NRG3: variants seen among roughly 807,000 people sequenced by gnomAD.
NRG3 encodes neuregulin 3.
In NRG3, 31 loss-of-function variants were observed where a neutral mutation model predicts 66.9. That is an observed-to-expected ratio of 0.46 (90% CI 0.35 to 0.63). The LOEUF (loss-of-function observed/expected upper bound fraction) is 0.63. NRG3 is among the 20% of genes least tolerant of loss of function. The probability of loss-of-function intolerance (pLI) is 0.00; values close to 1 mark genes in which losing one functional copy is unlikely to be tolerated. For synonymous variants in NRG3, 393 were observed against 359.4 expected (o/e 1.09, Z -1.06); for missense variants, 910 against 878.9 (o/e 1.04, Z -0.45).
chr10:82,931,433 C>G (rs945381942), intron 4 of NRG3, among the ~76,000 whole-genome samples: 1 of 152,132 alleles, frequency 6.6e-6, no homozygotes, highest in African/African-American at 2.4e-5. Flanking sequence ...GAGTATATAA[C>G]CTTGGGAAGC....
chr10:82,361,851 T>G (rs2135623620), intron 2 of NRG3, among the ~76,000 whole-genome samples: 3 of 152,120 alleles, frequency 2.0e-5, no homozygotes, highest in Admixed American at 2.0e-4. Context: ...CCTGGCTTAT[T>G]CAATAGTTTA....
chr10:82,359,513 CAT>C (rs2083988218), intron 2 of NRG3, among the ~76,000 whole-genome samples: 1 of 152,090 alleles, frequency 6.6e-6, no homozygotes, highest in African/African-American at 2.4e-5. Context: ...TTTTTAGAGA[CAT>C]AAGGTTATGT....
At chr10:82,874,354 G>C (rs973961918) in intron 4 of NRG3, among the ~76,000 whole-genome samples, 1 of 149,336 alleles carries the variant, frequency 6.7e-6, no homozygotes, top group Non-Finnish European at 1.5e-5. Context: ...TCATATTTCT[G>C]TTCTAGTTTG....
At chr10:82,109,153 G>A (rs2067230055) in intron 1 of NRG3, among the ~76,000 whole-genome samples, 1 of 152,126 alleles carries the variant, frequency 6.6e-6, no homozygotes, top group Non-Finnish European at 1.5e-5. Context: ...TTATGATGTG[G>A]TCAACTTATT....
intron 2 of NRG3, among the ~76,000 whole-genome samples, chr10:82,603,679 A>T (rs1053124699): frequency 6.6e-6 from 1 of 152,190 alleles, no homozygotes. Context: ...CTGAAAAAAA[A>T]AGTCTCAGGT....
intron 2 of NRG3, among the ~76,000 whole-genome samples, chr10:82,439,455 A>G (rs1034444054): frequency 1.3e-5 from 2 of 151,998 alleles, no homozygotes; most frequent in Non-Finnish European, 2.9e-5. Context: ...TGATAAGCAA[A>G]AATTGCCCCC....
chr10:82,811,610 G>A (rs905492474), intron 3 of NRG3, among the ~76,000 whole-genome samples: 5 of 152,338 alleles, frequency 3.3e-5, no homozygotes, highest in East Asian at 1.9e-4. Context: ...TGCACATGCC[G>A]AGGTTAGTCC....
At chr10:82,886,010 T>A (rs1295461063) in intron 4 of NRG3, among the ~76,000 whole-genome samples, 1 of 152,116 alleles carries the variant, frequency 6.6e-6, no homozygotes, top group Non-Finnish European at 1.5e-5. Flanking sequence ...TAGCTGGGAC[T>A]ACATGCATGC....
intron 1 of NRG3, among the ~76,000 whole-genome samples, chr10:82,206,008 A>G (rs2075098389): frequency 6.6e-6 from 1 of 152,140 alleles, no homozygotes; most frequent in South Asian, 2.1e-4. Flanking sequence ...TTAAGCTGCC[A>G]TCCACCATAT....
intron 2 of NRG3, among the ~76,000 whole-genome samples, chr10:82,422,623 A>G (rs1363410114): frequency 6.8e-6 from 1 of 148,108 alleles, no homozygotes; most frequent in African/African-American, 2.6e-5. Flanking sequence ...CTGGTAACAT[A>G]CAACATTGTT....
intron 1 of NRG3, among the ~76,000 whole-genome samples, chr10:82,168,570 T>C (rs1217020476): frequency 1.3e-5 from 2 of 152,168 alleles, no homozygotes; most frequent in Non-Finnish European, 2.9e-5. Context: ...CTACCTAGAA[T>C]AGTGATCATG....
Position 82,958,988 on chromosome 10 carries a change from A to C in NRG3, c.1197A>C (p.Pro399=). Residue 399 remains proline, a synonymous_variant, in exon 6 of 9, where the codon CCA becomes CCC. Coordinates refer to ENST00000372141, the MANE Select transcript of NRG3 (RefSeq NM_001010848.4). ...AAATCCAAGAGCAGCTGAAAGTGCC[A>C]CAAAATGGTAAAAGCTACAGTCTCA... ...AKQIQEQLKV[P]QNGKSYSLKA... The C allele has an allele frequency of 1.9e-6, 3 of 1,605,804 alleles. No individual in the cohort carries two copies. Among genetic ancestry groups the C allele is most frequent in the Non-Finnish European group, 2.5e-6 (3 of 1,177,852 alleles).
chr10:82,916,958 A>G (rs1416770994), intron 4 of NRG3, among the ~76,000 whole-genome samples: 1 of 152,168 alleles, frequency 6.6e-6, no homozygotes, highest in Non-Finnish European at 1.5e-5. Flanking sequence ...AATGTCCAAC[A>G]CTAATTTAAA....
At chr10:82,205,757 C>A (rs1345880466) in intron 1 of NRG3, among the ~76,000 whole-genome samples, 3 of 152,200 alleles carry the variant, frequency 2.0e-5, no homozygotes, top group African/African-American at 7.2e-5. Context: ...ATCCTTACTT[C>A]TTTCCGAACT....
intron 2 of NRG3, among the ~76,000 whole-genome samples, chr10:82,621,649 G>C (rs1265264627): frequency 6.6e-6 from 1 of 152,200 alleles, no homozygotes; most frequent in African/African-American, 2.4e-5. Flanking sequence ...GGGGGAGATA[G>C]TAAAAATATC....
At chr10:82,925,639 G>T (rs1846907738) in intron 4 of NRG3, among the ~76,000 whole-genome samples, 1 of 152,158 alleles carries the variant, frequency 6.6e-6, no homozygotes, top group African/African-American at 2.4e-5. Context: ...CTTTGCCAAG[G>T]GTTATTATTT....
chr10:82,559,411 C>T (rs1055335927), intron 2 of NRG3, among the ~76,000 whole-genome samples: 46 of 152,120 alleles, frequency 3.0e-4, no homozygotes, highest in East Asian at 1.9e-4. Context: ...TTGGCTAAGC[C>T]GAGGGGGATT....
chr10:82,690,034 T>G (rs910302334), intron 2 of NRG3, among the ~76,000 whole-genome samples: 8 of 152,218 alleles, frequency 5.3e-5, no homozygotes, highest in African/African-American at 1.9e-4. Context: ...GTTGATTCTT[T>G]CCTTGTTCAT....
chr10:82,660,499 T>C (rs1046215842), intron 2 of NRG3, among the ~76,000 whole-genome samples: 2 of 152,270 alleles, frequency 1.3e-5, no homozygotes, highest in Middle Eastern at 3.4e-3. Flanking sequence ...GACATTAAAA[T>C]TGCTTTTGCA....
Sources: gnomAD v4.1 joint callset for allele counts (sites outside exome capture counted in the v4.1 genomes callset) on GRCh38, gnomAD v4.1.1 for gene constraint, MANE v1.5 for transcripts, NCBI Gene and HGNC (gene_info 2026-07-23, HGNC 2026-07-21) for gene names.